Variants in ZDHHC21 observed in about 807,000 individuals in gnomAD.
ZDHHC21 encodes the protein zDHHC palmitoyltransferase 21.
ZDHHC21 carries 15 observed loss-of-function variants against 34.6 expected under a neutral mutation model. That is an observed-to-expected ratio of 0.43 (90% CI 0.29 to 0.67). The LOEUF (loss-of-function observed/expected upper bound fraction) is 0.67, where lower values mean the gene tolerates loss of function less well. ZDHHC21 is among the 30% of genes least tolerant of loss of function. The pLI is 0.14. For missense variants in ZDHHC21, 344 were observed against 327.7 expected, an observed-to-expected ratio of 1.05 and a Z score of -0.38; for synonymous variants, 142 against 101.8, an observed-to-expected ratio of 1.40 and a Z score of -2.38.
chr9:14,647,558 A>T (rs569816144), intron 7 of ZDHHC21, among the ~76,000 whole-genome samples: 1 of 152,060 alleles, frequency 6.6e-6, no homozygotes, highest in South Asian at 2.1e-4. Context: ...CAAATTCTCA[A>T]CCCCGACGGG....
chr9:14,660,327 C>A (rs1191100974), intron 6 of ZDHHC21, among the ~76,000 whole-genome samples: 2 of 122,876 alleles, frequency 1.6e-5, no homozygotes, highest in African/African-American at 6.4e-5. Context: ...AGGTTGAGAT[C>A]ATGCCACTGC....
chr9:14,652,220 T>C (rs139871517), intron 7 of ZDHHC21, among the ~76,000 whole-genome samples: 75 of 152,058 alleles, frequency 4.9e-4, no homozygotes, highest in African/African-American at 1.6e-3. Flanking sequence ...CACTGAGAAT[T>C]TGGGGATTTT....
intron 3 of ZDHHC21, among the ~76,000 whole-genome samples, chr9:14,675,808 G>C (rs1481194298): frequency 1.3e-5 from 2 of 151,966 alleles, no homozygotes; most frequent in African/African-American, 4.8e-5. Flanking sequence ...AATCAAGTAA[G>C]ACTTACTGTA....
chr9:14,661,605 G>A (rs970883448), intron 6 of ZDHHC21, among the ~76,000 whole-genome samples: 12 of 152,200 alleles, frequency 7.9e-5, no homozygotes, highest in African/African-American at 2.9e-4. Flanking sequence ...ATTTGTTTTC[G>A]AAGATTATAT....
rs1272429903 is a variant in ZDHHC21, at chr9:14,612,651, G to A, written c.*6315C>T. The A allele has an allele frequency of 3.3e-5, 5 of 151,396 alleles. No homozygotes were observed. The highest frequency in any genetic ancestry group is 2.1e-4 in the South Asian group (1 of 4,810). 9.4% of individuals were successfully genotyped at this position (151,396 alleles called of 1,614,324 possible). On this transcript the variant is annotated 3_prime_UTR_variant, in exon 10 of 10. Transcript: ENST00000380916. ...CTGTTATCAGTTTTGCTTAAATCAA[G>A]GTACATATGCATTTCCTCTTGGGAA...
chr9:14,653,627 T>C (rs1482954340), intron 7 of ZDHHC21, among the ~76,000 whole-genome samples: 1 of 151,912 alleles, frequency 6.6e-6, no homozygotes, highest in African/African-American at 2.4e-5. Flanking sequence ...ACCTATGAAG[T>C]CCACCATGAG....
chr9:14,677,535 G>C (rs1480632297), intron 3 of ZDHHC21: 1 of 151,980 alleles, frequency 6.6e-6, no homozygotes, highest in Non-Finnish European at 1.5e-5. Flanking sequence ...CTTAAGGACA[G>C]CATTCATAAA....
At chr9:14,660,886 T>A (rs532654572) in intron 6 of ZDHHC21, among the ~76,000 whole-genome samples, 64 of 152,132 alleles carry the variant, frequency 4.2e-4, no homozygotes, top group Non-Finnish European at 6.9e-4. Flanking sequence ...AACTCTACAA[T>A]AAGAAGCGCT....
chr9:14,641,282 C>T lies in ZDHHC21; in HGVS notation c.505-1270G>A, dbSNP rs762550709. Among the ~76,000 whole-genome samples the T allele has an allele frequency of 2.0e-5, 3 of 152,130 alleles. No individual in the cohort carries two copies. The East Asian group carries it at 5.8e-4, about 29-fold the overall frequency. ...TTAGAATTCAGCAAGACACTTAAAA[C>T]GTTATGTAGCAGGTAAATATTAGGC... is the stretch of plus-strand genomic sequence containing the variant. On this transcript the variant is annotated intron_variant, in intron 7 of 9. Transcript: ENST00000380916.
the ZDHHC21 span, among the ~76,000 whole-genome samples, chr9:14,595,461 A>C: frequency 1.2e-4 from 18 of 152,178 alleles, no homozygotes; most frequent in African/African-American, 3.1e-4. Context: ...AGAAAAATCA[A>C]ATCTATAAAA....
At chr9:14,651,959 A>C (rs1341143267) in intron 7 of ZDHHC21, among the ~76,000 whole-genome samples, 1 of 151,926 alleles carries the variant, frequency 6.6e-6, no homozygotes, top group Non-Finnish European at 1.5e-5. Context: ...TCATGCCAAT[A>C]AATATTTAAA....
the ZDHHC21 span, among the ~76,000 whole-genome samples, chr9:14,591,201 C>G: frequency 1.3e-5 from 2 of 152,060 alleles, no homozygotes; most frequent in African/African-American, 4.8e-5. Flanking sequence ...AGATAGAACA[C>G]TATAATTTGA....
intron 2 of ZDHHC21, among the ~76,000 whole-genome samples, chr9:14,689,940 C>A (rs1838928707): frequency 6.6e-6 from 1 of 151,912 alleles, no homozygotes; most frequent in Non-Finnish European, 1.5e-5. Flanking sequence ...GAATTAAAGA[C>A]CACCAAATAT....
chr9:14,677,654 T>A (rs7033701), intron 3 of ZDHHC21, among the ~76,000 whole-genome samples: 6,668 of 152,164 alleles, frequency 0.044, 479 homozygotes, highest in African/African-American at 0.15. Context: ...TACTTCAACA[T>A]TTTTTAAGAT....
At chr9:14,641,815 C>T (rs915548799) in intron 7 of ZDHHC21, among the ~76,000 whole-genome samples, 12 of 152,120 alleles carry the variant, frequency 7.9e-5, no homozygotes, top group Admixed American at 5.9e-4. Flanking sequence ...TTCTTAATCA[C>T]GTAATATTTA....
intron 3 of ZDHHC21, 110 bp from the exon 4 acceptor site, chr9:14,674,495 C>T (rs2131540214): frequency 8.7e-6 from 5 of 576,330 alleles, no homozygotes; most frequent in Non-Finnish European, 1.5e-5. Context: ...GCATATTTGA[C>T]ATTTTCTTTC....
chr9:14,689,918 G>A (rs1838924402), intron 2 of ZDHHC21, among the ~76,000 whole-genome samples: 1 of 152,090 alleles, frequency 6.6e-6, no homozygotes, highest in African/African-American at 2.4e-5. Flanking sequence ...CTTGGGAGGT[G>A]TGGGGTGATA....
In ZDHHC21 at chr9:14,616,369, T is replaced by TA. The variant is rs1327446307; in HGVS notation, c.*2596dup. 6.6e-6 allele frequency: 1 copy of TA among 151,758 alleles called. No individual in the cohort carries two copies. Among genetic ancestry groups the TA allele is most frequent in the African/African-American group, 2.4e-5 (1 of 41,402 alleles). 9.4% of individuals were successfully genotyped at this position (151,758 alleles called of 1,614,324 possible). A position where few individuals can be genotyped will look rare whatever the true frequency, so the allele number is the denominator to read the frequency against. ...AGCAAGAATATAATGGGAACGTACA[T>TA]AAATGAAGCAAAGCAGTCATCACAT... On this transcript the variant is annotated 3_prime_UTR_variant, in exon 10 of 10. Coordinates refer to ENST00000380916, the MANE Select transcript of ZDHHC21 (RefSeq NM_178566.6).
chr9:14,607,254 C>T (rs1231785177), downstream of ZDHHC21, among the ~76,000 whole-genome samples: 2 of 151,998 alleles, frequency 1.3e-5, no homozygotes, highest in African/African-American at 4.8e-5. Context: ...TGCAGACCAG[C>T]CTGGGCCACA....
Sources: gnomAD v4.1 joint callset for allele counts (sites outside exome capture counted in the v4.1 genomes callset) on GRCh38, gnomAD v4.1.1 for gene constraint, MANE v1.5 for transcripts, NCBI Gene and HGNC (gene_info 2026-07-23, HGNC 2026-07-21) for gene names.